The following RHCE variants were observed in gnomAD, a reference collection of about 807,000 sequenced individuals.
RHCE encodes Rh blood group CcEe antigens.
Under a neutral mutation model 43.8 loss-of-function variants are expected in RHCE, and 22 were observed. The observed-to-expected ratio is 0.50, with a 90% CI of 0.36 to 0.72. The LOEUF (loss-of-function observed/expected upper bound fraction) is 0.72. Ranked by LOEUF, RHCE falls within the 30% of genes least tolerant of loss-of-function variation. RHCE has a pLI of 0.00. For missense variants in RHCE, 385 were observed against 525.4 expected, an observed-to-expected ratio of 0.73 and a Z score of 2.61; for synonymous variants, 156 against 210.7, an observed-to-expected ratio of 0.74 and a Z score of 2.25.
At chr1:25,374,135 C>T (rs1251131093) in intron 8 of RHCE, among the ~76,000 whole-genome samples, 1 of 145,130 alleles carries the variant, frequency 6.9e-6, no homozygotes, top group Non-Finnish European at 1.5e-5. Flanking sequence ...TGTGTATTTT[C>T]TTTTTTTTTT....
At chr1:25,370,293 C>G (rs1197560877) in intron 9 of RHCE, among the ~76,000 whole-genome samples, 174 bp downstream of exon 9, 1 of 151,586 alleles carries the variant, frequency 6.6e-6, no homozygotes, top group Non-Finnish European at 1.5e-5. Flanking sequence ...CCGCCACCCT[C>G]CCCCACACAC....
In RHCE at chr1:25,385,138, C is replaced by T. The variant is rs1213531828; in HGVS notation, c.1073+573G>A. Reference sequence around the variant, plus strand: ...CACTGTCTAGGGGCCACAGGACCTACCTCTGGTCTGGAGGCCCACATTCCC... The same window carrying T: ...CACTGTCTAGGGGCCACAGGACCTATCTCTGGTCTGGAGGCCCACATTCCC... On this transcript the variant is annotated intron_variant, in intron 7 of 9. Transcript: ENST00000294413. 9.8e-5 allele frequency among the ~76,000 whole-genome samples: 15 copies of T among 152,332 alleles called. No individual in the cohort carries two copies. The South Asian group carries it at 2.9e-3, about 29-fold the overall frequency.
At chr1:25,400,662 C>T (rs1357620196) in intron 3 of RHCE, among the ~76,000 whole-genome samples, 2 of 151,490 alleles carry the variant, frequency 1.3e-5, no homozygotes. Flanking sequence ...CAGACTTGTA[C>T]ATCTCCATTC....
intron 7 of RHCE, among the ~76,000 whole-genome samples, chr1:25,379,233 T>C (rs1224683416): frequency 6.6e-6 from 1 of 151,734 alleles, no homozygotes; most frequent in African/African-American, 2.4e-5. Flanking sequence ...CTTCCTCTTG[T>C]AAGCCACCAG....
chr1:25,423,907 C>T (rs574294032), upstream of RHCE, among the ~76,000 whole-genome samples: 4 of 152,318 alleles, frequency 2.6e-5, no homozygotes, highest in South Asian at 8.3e-4. Flanking sequence ...ACCTGCTGTT[C>T]TCTCTGTCTG....
Position 25,402,615 on chromosome 1 carries a change from A to T in RHCE, c.467T>A (p.Val156Asp). 6.2e-7 allele frequency: 1 copy of T among 1,614,022 alleles called. No homozygotes were observed. Among genetic ancestry groups the T allele is most frequent in the Non-Finnish European group, 8.5e-7 (1 of 1,180,006 alleles). ...EVTALGTLRM[V>D]ISNIFNTDYH... The stretch of plus-strand genomic sequence containing the variant: ...ACTCACGTTGAAGATATTACTGATG[A>T]CCATCCTCAGGGTGCCTAAAGCTGT... The change falls in exon 3 of 10, where the codon GTC (valine) becomes GAC (aspartate). Residue 156 changes from valine (V) to aspartate (D), a missense_variant. By Grantham distance (152) the Val-to-Asp change is radical. Transcript: ENST00000294413.
chr1:25,374,044 C>T (rs561278216), intron 8 of RHCE, among the ~76,000 whole-genome samples: 1 of 147,952 alleles, frequency 6.8e-6, no homozygotes, highest in East Asian at 2.0e-4. Flanking sequence ...TGGTCTCGAA[C>T]TCCTGACCTC....
chr1:25,393,615 C>T (rs989886684), intron 3 of RHCE, among the ~76,000 whole-genome samples: 3 of 151,732 alleles, frequency 2.0e-5, no homozygotes, highest in African/African-American at 7.3e-5. Context: ...AGTGAGACTG[C>T]GTCAAATAAA....
chr1:25,396,758 A>C (rs1646552169), intron 3 of RHCE, among the ~76,000 whole-genome samples: 1 of 152,208 alleles, frequency 6.6e-6, no homozygotes. Context: ...CCTGCCCTCA[A>C]CACGTGGAGA....
chr1:25,390,322 G>C (rs1243630204), intron 5 of RHCE, among the ~76,000 whole-genome samples: 9 of 152,162 alleles, frequency 5.9e-5, no homozygotes, highest in Non-Finnish European at 8.8e-5. Context: ...GGCTTGACCA[G>C]AGCCACATGG....
At chr1:25,381,252 G>A (rs1289808134) in intron 7 of RHCE, among the ~76,000 whole-genome samples, 1 of 152,006 alleles carries the variant, frequency 6.6e-6, no homozygotes, top group Non-Finnish European at 1.5e-5. Context: ...GATGACCTTT[G>A]CTCCAGTTTC....
At chr1:25,422,165 C>T (rs1469803240), upstream of RHCE, among the ~76,000 whole-genome samples, 1 of 152,178 alleles carries the variant, frequency 6.6e-6, no homozygotes, top group African/African-American at 2.4e-5. Context: ...TTGCTCAGTG[C>T]AGCTTTATTT....
intron 9 of RHCE, among the ~76,000 whole-genome samples, chr1:25,369,093 A>T (rs1327357338): frequency 6.6e-6 from 1 of 151,784 alleles, no homozygotes; most frequent in Non-Finnish European, 1.5e-5. Flanking sequence ...TGCCAGTTAC[A>T]CCTCAAAAAG....
chr1:25,373,237 C>CG (rs1557599022), intron 8 of RHCE, among the ~76,000 whole-genome samples: 1 of 151,544 alleles, frequency 6.6e-6, no homozygotes, highest in Non-Finnish European at 1.5e-5. Flanking sequence ...AAAAGACCCC[C>CG]GGGTACTTTG....
chr1:25,392,170 G>A, intron 3 of RHCE, 29 bp from the exon 4 acceptor site: 2 of 1,614,076 alleles, frequency 1.2e-6, no homozygotes, highest in Non-Finnish European at 1.7e-6. Context: ...AGAGCAGTGA[G>A]TGTCGGCATC....
At chr1:25,404,547 A>G (rs1431987989) in intron 2 of RHCE, among the ~76,000 whole-genome samples, 2 of 150,856 alleles carry the variant, frequency 1.3e-5, no homozygotes, top group Non-Finnish European at 2.9e-5. Context: ...CATTTCATTG[A>G]CAAAGGCTTA....
At chr1:25,380,571 C>T (rs1056094553) in intron 7 of RHCE, among the ~76,000 whole-genome samples, 2 of 152,234 alleles carry the variant, frequency 1.3e-5, no homozygotes, top group Admixed American at 1.3e-4. Context: ...GGCATGCCCC[C>T]TCAGCTTTTG....
intron 1 of RHCE, among the ~76,000 whole-genome samples, chr1:25,416,819 C>G (rs111768756): frequency 7.1e-4 from 83 of 116,772 alleles, no homozygotes; most frequent in African/African-American, 2.2e-3. Context: ...TTAGAGATGG[C>G]GGGGGGGGGT....
At chr1:25,370,615 G>C in intron 8 of RHCE, 75 bp from the exon 9 acceptor site, 1 of 1,304,618 alleles carries the variant, frequency 7.7e-7, no homozygotes. Flanking sequence ...TCAAAATATT[G>C]TGTGTGTCAA....
Sources: allele counts gnomAD v4.1 joint callset (sites outside exome capture counted in the v4.1 genomes callset), GRCh38; gene constraint gnomAD v4.1.1; transcripts MANE v1.5; gene names NCBI Gene and HGNC (gene_info 2026-07-23, HGNC 2026-07-21).